Variants in EVL observed in about 807,000 individuals in gnomAD.
EVL encodes Enah/Vasp-like.
A neutral mutation model predicts 59.6 loss-of-function variants in EVL; 21 were observed. The observed-to-expected ratio is 0.35, with a 90% confidence interval of 0.25 to 0.51. The LOEUF is 0.51. Ranked by LOEUF, EVL falls within the 20% of genes least tolerant of loss-of-function variation. The probability of loss-of-function intolerance (pLI) is 0.97; values close to 1 mark genes in which losing one functional copy is unlikely to be tolerated. For missense variants in EVL, 462 were observed against 546.6 expected, an observed-to-expected ratio of 0.85 and a Z score of 1.54; for synonymous variants, 198 against 203.5, an observed-to-expected ratio of 0.97 and a Z score of 0.23.
chr14:100,048,944 G>T lies in EVL; in HGVS notation c.6-35743G>T, dbSNP rs565872435. Among the ~76,000 whole-genome samples the T allele has an allele frequency of 1.1e-4, 17 of 152,318 alleles. 1 individual carries two copies. In the South Asian group the frequency reaches 3.3e-3, roughly 30 times the overall value. ...TGGTTGCTGGGAATTGGTGGGGGCG[G>T]ATATGACTACAAAGGGAGAGCTGAG... On this transcript the variant is annotated intron_variant, in intron 1 of 13. Transcript: ENST00000402714.
chr14:100,026,096 C>A (rs2061206219), intron 1 of EVL, among the ~76,000 whole-genome samples: 1 of 151,570 alleles, frequency 6.6e-6, no homozygotes, highest in Non-Finnish European at 1.5e-5. Flanking sequence ...ACAAAAAGTA[C>A]AAAAATTAGC....
At chr14:100,022,307 A>C (rs1182433635) in intron 1 of EVL, among the ~76,000 whole-genome samples, 3 of 138,524 alleles carry the variant, frequency 2.2e-5, no homozygotes, top group East Asian at 2.1e-4. Flanking sequence ...AGACAGACTC[A>C]CTCTCTGTCA....
chr14:100,115,355 C>G (rs1443839509), intron 3 of EVL, among the ~76,000 whole-genome samples: 1 of 152,108 alleles, frequency 6.6e-6, no homozygotes, highest in Non-Finnish European at 1.5e-5. Flanking sequence ...CTCGGGACCC[C>G]TCTACACAAG....
At chr14:100,060,109 A>G (rs987611175) in intron 1 of EVL, among the ~76,000 whole-genome samples, 2 of 152,176 alleles carry the variant, frequency 1.3e-5, no homozygotes, top group African/African-American at 4.8e-5. Context: ...CAAACAGGAA[A>G]TCCCAAAGGA....
At chr14:100,044,745 C>T (rs760422515) in intron 1 of EVL, among the ~76,000 whole-genome samples, 1 of 152,122 alleles carries the variant, frequency 6.6e-6, no homozygotes, top group Admixed American at 6.5e-5. Context: ...GGGTGGTCCT[C>T]GCTGCCTGAA....
intron 1 of EVL, among the ~76,000 whole-genome samples, chr14:100,016,951 G>A (rs1324948379): frequency 6.6e-6 from 1 of 152,204 alleles, no homozygotes; most frequent in East Asian, 1.9e-4. Flanking sequence ...CGCCTCTGCA[G>A]GGCCACAGGC....
At chr14:100,069,370 A>G (rs376923633) in intron 1 of EVL, among the ~76,000 whole-genome samples, 3 of 152,270 alleles carry the variant, frequency 2.0e-5, no homozygotes, top group Non-Finnish European at 4.4e-5. Context: ...CTGTAAAGAT[A>G]TAAGAAGTCT....
Position 100,109,980 on chromosome 14 carries a change from G to A in EVL, c.358+12322G>A, listed in dbSNP as rs1056159244. 1.3e-5 allele frequency among the ~76,000 whole-genome samples: 2 copies of A among 152,238 alleles called. No homozygotes were observed. The highest frequency in any genetic ancestry group is 2.4e-5 in the African/African-American group (1 of 41,466). ...TGAATCAGACTCACCTCACAGGGTT[G>A]TTGTGAGGGTACCATGAGATGATGT... is the stretch of plus-strand genomic sequence containing the variant. On this transcript the variant is annotated intron_variant, in intron 3 of 13. Transcript: ENST00000392920. The surrounding 1 kb of genome is among the most constrained non-coding windows in gnomAD (Gnocchi z 4.3).
In EVL at chr14:100,130,817, A is replaced by G. The variant is rs773199661; in HGVS notation, c.839+1133A>G. The stretch of plus-strand genomic sequence containing the variant: ...TCAGGGAGCAGCAAGGTGGATCCGC[A>G]GCACGGGCGTCTCCGGAGCCTCTAC... On this transcript the variant is annotated intron_variant, in intron 7 of 13. Transcript: ENST00000392920. The surrounding 1 kb of genome is among the most constrained non-coding windows in gnomAD (Gnocchi z 4.8). Among the ~76,000 whole-genome samples, 16 of 152,242 alleles carry G rather than the reference A, an allele frequency of 1.1e-4. No homozygotes were observed. The highest frequency in any genetic ancestry group is 2.4e-4 in the Non-Finnish European group (16 of 68,050).
At chr14:99,997,118 G>A (rs2060918836) in intron 1 of EVL, among the ~76,000 whole-genome samples, 1 of 151,238 alleles carries the variant, frequency 6.6e-6, no homozygotes, top group African/African-American at 2.4e-5. Context: ...ATTACATGAT[G>A]TAGACCTTCA....
At chr14:100,011,586 T>C (rs1484589966) in intron 1 of EVL, among the ~76,000 whole-genome samples, 2 of 152,220 alleles carry the variant, frequency 1.3e-5, no homozygotes, top group African/African-American at 4.8e-5. Flanking sequence ...TGAGTACATA[T>C]TGAGCATATA....
chr14:100,097,664 T>C lies in EVL; in HGVS notation c.358+6T>C. On this transcript the variant is annotated splice_donor_region_variant and intron_variant, in intron 3 of 13. Coordinates refer to ENST00000392920, the MANE Select transcript of EVL (RefSeq NM_016337.3). ...CATGAATTCCCAAGAAGGAGGTAAG[T>C]AGGGCTTTGTCTTGGCCTGATGCTG... 6.2e-7 allele frequency: 1 copy of C among 1,605,834 alleles called. No homozygotes were observed. Among genetic ancestry groups the C allele is most frequent in the Non-Finnish European group, 8.5e-7 (1 of 1,175,544 alleles).
intron 1 of EVL, among the ~76,000 whole-genome samples, chr14:100,047,118 C>CTTTTTTT (rs869205625): frequency 4.2e-5 from 1 of 23,892 alleles, no homozygotes; most frequent in African/African-American, 1.4e-4. Context: ...ATCTCTCTCT[C>CTTTTTTT]TTTTTTTTTT....
chr14:100,074,003 G>A (rs1036387882), intron 1 of EVL, among the ~76,000 whole-genome samples: 80 of 129,808 alleles, frequency 6.2e-4, no homozygotes, highest in African/African-American at 2.7e-3. Context: ...AGTCACCCCC[G>A]GGGGCGGTGG....
intron 1 of EVL, among the ~76,000 whole-genome samples, chr14:100,021,376 G>C (rs1043343524): frequency 6.6e-6 from 1 of 152,246 alleles, no homozygotes; most frequent in Non-Finnish European, 1.5e-5. Context: ...AAAGGGGAGG[G>C]CTGTTACCTC....
At chr14:100,054,607 C>CTGCTAGAAT (rs1488693769) in intron 1 of EVL, among the ~76,000 whole-genome samples, 1 of 152,160 alleles carries the variant, frequency 6.6e-6, no homozygotes, top group Non-Finnish European at 1.5e-5. Context: ...GCCCCAAAGC[C>CTGCTAGAAT]TGCTAGAATT....
At chr14:100,028,187 G>A (rs547567362) in intron 1 of EVL, among the ~76,000 whole-genome samples, 1 of 140,924 alleles carries the variant, frequency 7.1e-6, no homozygotes, top group East Asian at 2.1e-4. Flanking sequence ...TGTCCACAGT[G>A]GCTGTACTAA....
chr14:100,051,651 G>A (rs2061649474), intron 1 of EVL, among the ~76,000 whole-genome samples: 1 of 152,022 alleles, frequency 6.6e-6, no homozygotes, highest in African/African-American at 2.4e-5. Flanking sequence ...CCTGTCTCTT[G>A]GCCAGTAATT....
intron 1 of EVL, among the ~76,000 whole-genome samples, chr14:100,070,731 C>G (rs917161266): frequency 6.6e-6 from 1 of 152,186 alleles, no homozygotes; most frequent in Non-Finnish European, 1.5e-5. Flanking sequence ...TTGATTCATC[C>G]TTGGAGCTGA....
Sources: allele counts gnomAD v4.1 joint callset (sites outside exome capture counted in the v4.1 genomes callset), GRCh38; gene constraint gnomAD v4.1.1; non-coding constraint Gnocchi (gnomAD v3.1); transcripts MANE v1.5; gene names NCBI Gene and HGNC (gene_info 2026-07-23, HGNC 2026-07-21).